The following MED13L variants were observed in gnomAD, a reference collection of about 807,000 sequenced individuals.
The protein encoded by MED13L is mediator of RNA polymerase II transcription subunit 13-like.
MED13L carries 7 observed loss-of-function variants against 220.9 expected under a neutral mutation model. The ratio of observed to expected loss-of-function variants is 0.03; its 90% CI spans 0.02 to 0.06. The LOEUF (loss-of-function observed/expected upper bound fraction) is 0.06, where lower values mean the gene tolerates loss of function less well. MED13L is among the 10% of genes least tolerant of loss of function. The pLI, the probability that MED13L is intolerant of heterozygous loss-of-function variation, is 1.00. For missense variants in MED13L, 1,965 were observed against 2,760.5 expected, an observed-to-expected ratio of 0.71 and a Z score of 6.46; for synonymous variants, 1,011 against 1,015.2, an observed-to-expected ratio of 1.00 and a Z score of 0.08.
rs1209782280 is a variant in MED13L, at chr12:116,026,369, C to T, written c.480-3768G>A. ...TCTTTTATATTGATAACTTAAAAAA[C>T]AAAATGTCCTTTTAAAAGAGGCACT... On this transcript the variant is annotated intron_variant, in intron 4 of 30. Coordinates refer to ENST00000281928, the MANE Select transcript of MED13L (RefSeq NM_015335.5). Among the ~76,000 whole-genome samples the T allele has an allele frequency of 5.3e-5, 8 of 152,118 alleles. No homozygotes were observed. The East Asian group carries it at 1.2e-3, about 22-fold the overall frequency.
chr12:115,980,379 G>GGTTA (rs1422682866), intron 23 of MED13L: 1 of 249,964 alleles, frequency 4.0e-6, no homozygotes, highest in Non-Finnish European at 7.9e-6. Context: ...AGGCGGAAGT[G>GGTTA]GTTATGTGAT....
chr12:116,062,490 T>G (rs866642696), intron 4 of MED13L, among the ~76,000 whole-genome samples: 12 of 19,850 alleles, frequency 6.0e-4, no homozygotes, highest in African/African-American at 1.6e-3. Context: ...CTCTCTGTGT[T>G]TTTTTTTTTT....
intron 23 of MED13L, among the ~76,000 whole-genome samples, chr12:115,976,286 A>G (rs1876932163): frequency 6.6e-6 from 1 of 152,268 alleles, no homozygotes. Flanking sequence ...AGTGAAAGAG[A>G]TAATAAATTG....
chr12:116,077,922 G>C (rs1290352330), intron 4 of MED13L, among the ~76,000 whole-genome samples: 1 of 152,194 alleles, frequency 6.6e-6, no homozygotes, highest in East Asian at 1.9e-4. Context: ...GGAGGCCGAG[G>C]CGTGTAGATC....
intron 4 of MED13L, among the ~76,000 whole-genome samples, chr12:116,092,929 C>T (rs1872355082): frequency 6.6e-6 from 1 of 152,150 alleles, no homozygotes; most frequent in African/African-American, 2.4e-5. Context: ...TAGCAAGTTA[C>T]TATTTTTGTT....
intron 4 of MED13L, among the ~76,000 whole-genome samples, chr12:116,052,973 C>T (rs1360206824): frequency 2.0e-5 from 3 of 152,114 alleles, no homozygotes; most frequent in African/African-American, 7.2e-5. Flanking sequence ...TCATCATTAA[C>T]GTCTTAAAAA....
chr12:116,153,763 A>G (rs928208167), intron 2 of MED13L, among the ~76,000 whole-genome samples: 1 of 152,172 alleles, frequency 6.6e-6, no homozygotes, highest in African/African-American at 2.4e-5. Context: ...AAATCTTTCT[A>G]ACTTTAATAT....
At chr12:115,995,329 C>G (rs1880083964) in intron 16 of MED13L, among the ~76,000 whole-genome samples, 1 of 152,194 alleles carries the variant, frequency 6.6e-6, no homozygotes, top group Non-Finnish European at 1.5e-5. Flanking sequence ...CTGACCACAG[C>G]AGAAATCTGA....
intron 4 of MED13L, among the ~76,000 whole-genome samples, chr12:116,023,072 G>A (rs1048538075): frequency 6.6e-6 from 1 of 152,096 alleles, no homozygotes; most frequent in Non-Finnish European, 1.5e-5. Context: ...GAGGCAGGAG[G>A]ATAACTTGAG....
rs766929051 is a variant in MED13L at position 115,960,025 on chromosome 12, T to A, written c.*1241A>T. The A allele has an allele frequency of 6.6e-6, 1 of 152,610 alleles. No individual in the cohort carries two copies. The allele number at this position is 152,610 out of a possible 1,614,324, so 9.5% of individuals were successfully genotyped here. A position where few individuals can be genotyped will look rare whatever the true frequency, so the allele number is the denominator to read the frequency against. On this transcript the variant is annotated 3_prime_UTR_variant, in exon 31 of 31. Coordinates refer to ENST00000281928, the MANE Select transcript of MED13L (RefSeq NM_015335.5). ...AAACAGGGTTTCAAAGACAACCCTC[T>A]GGGCCAGGAATGAGGAGTCATAAAA...
rs17498083 is a variant in MED13L at position 115,986,347 on chromosome 12, G to A, written c.4257C>T (p.Ala1419=). The A allele has an allele frequency of 6.2e-7, 1 of 1,613,962 alleles. No homozygotes were observed. The highest frequency in any genetic ancestry group is 1.7e-5 in the Admixed American group (1 of 60,006). ...LDPYGGHRDV[A]YIVVCPENEA... ...CATTTTCTGGACACACCACAATATA[G>A]GCAACATCACGGTGGCCCCCATATG... The change falls in exon 19 of 31, where the codon GCC becomes GCT. Residue 1419 remains alanine, a synonymous_variant. Coordinates refer to ENST00000281928, the MANE Select transcript of MED13L (RefSeq NM_015335.5).
At chr12:116,103,997 CTCTTT>C (rs1218630037) in intron 3 of MED13L, among the ~76,000 whole-genome samples, 2 of 103,246 alleles carry the variant, frequency 1.9e-5, no homozygotes, top group African/African-American at 7.1e-5. Context: ...AAGGACATTG[CTCTTT>C]TTTTTTTTTT....
intron 9 of MED13L, among the ~76,000 whole-genome samples, 185 bp downstream of exon 9, chr12:116,012,612 T>C (rs564113095): frequency 1.3e-5 from 2 of 152,296 alleles, no homozygotes; most frequent in Admixed American, 6.5e-5. Flanking sequence ...GGGCCGATTG[T>C]CTAACAAACT....
At chr12:116,255,328 A>ACGTATG (rs1871945107) in intron 1 of MED13L, among the ~76,000 whole-genome samples, 1 of 152,242 alleles carries the variant, frequency 6.6e-6, no homozygotes, top group Admixed American at 6.5e-5. Flanking sequence ...CGTATGCAAA[A>ACGTATG]CAAAACCAGA....
At chr12:116,276,879 T>C (rs913583281) in intron 1 of MED13L, 181 bp downstream of exon 1, 2 of 971,494 alleles carry the variant, frequency 2.1e-6, no homozygotes, top group African/African-American at 1.6e-5. Flanking sequence ...AAACACTGGA[T>C]GGGATCCAAG....
intron 1 of MED13L, among the ~76,000 whole-genome samples, chr12:116,243,556 C>G (rs1326494292): frequency 1.3e-5 from 2 of 151,930 alleles, no homozygotes; most frequent in Non-Finnish European, 2.9e-5. Context: ...TCCTAGTGTC[C>G]TATTCTTCAC....
chr12:116,085,752 ACT>A lies in MED13L; in HGVS notation c.479+10915_479+10916del, dbSNP rs1221196843. ...CTAAATTCAAGAGAAGATTAAAATCACTCACACACACACACACACACACACAC... is the reference window on the plus strand; with the variant it reads ...CTAAATTCAAGAGAAGATTAAAATCACACACACACACACACACACACACAC... On this transcript the variant is annotated intron_variant, in intron 4 of 30. Transcript: ENST00000281928. 3.2e-3 allele frequency among the ~76,000 whole-genome samples: 307 copies of A among 96,840 alleles called. 2 individuals carry two copies. Among genetic ancestry groups the A allele is most frequent in the South Asian group, 0.016 (47 of 2,922 alleles). The allele number at this position is 96,840 out of a possible 152,430, so 63.5% of individuals were successfully genotyped here. A position where few individuals can be genotyped will look rare whatever the true frequency, so the allele number is the denominator to read the frequency against.
At chr12:116,192,669 A>G (rs963255943) in intron 2 of MED13L, among the ~76,000 whole-genome samples, 3 of 152,176 alleles carry the variant, frequency 2.0e-5, no homozygotes, top group Non-Finnish European at 4.4e-5. Context: ...CAGGACAATA[A>G]CAAGAACAAT....
chr12:116,137,850 T>C (rs1876696460), intron 2 of MED13L, among the ~76,000 whole-genome samples: 2 of 135,224 alleles, frequency 1.5e-5, no homozygotes, highest in African/African-American at 6.2e-5. Context: ...TATAATGAGG[T>C]AATTTTTTTT....
Sources: gnomAD v4.1 joint callset for allele counts (sites outside exome capture counted in the v4.1 genomes callset) on GRCh38, gnomAD v4.1.1 for gene constraint, MANE v1.5 for transcripts, NCBI Gene and HGNC (gene_info 2026-07-23, HGNC 2026-07-21) for gene names.